The following TIAM1 variants were observed in gnomAD, a reference collection of about 807,000 sequenced individuals.
TIAM1 encodes the protein rho guanine nucleotide exchange factor TIAM1.
A neutral mutation model predicts 163.5 loss-of-function variants in TIAM1; 65 were observed. The ratio of observed to expected loss-of-function variants is 0.40; its 90% CI spans 0.33 to 0.49. TIAM1 has a LOEUF of 0.49. Among genes scored for constraint, TIAM1 ranks in the 20% least tolerant of loss-of-function variants. The pLI, the probability that TIAM1 is intolerant of heterozygous loss-of-function variation, is 0.77. For synonymous variants in TIAM1, 833 were observed against 810.1 expected (o/e 1.03, Z -0.48); for missense variants, 1,789 against 2,044.7 (o/e 0.87, Z 2.41).
chr21:31,518,107 G>A (rs904800570), intron 1 of TIAM1, among the ~76,000 whole-genome samples: 2 of 152,234 alleles, frequency 1.3e-5, no homozygotes, highest in East Asian at 1.9e-4. Context: ...GAAATCCTAA[G>A]ATGGGTAGAG....
intron 22 of TIAM1, among the ~76,000 whole-genome samples, chr21:31,137,192 A>G (rs1382800404): frequency 6.6e-6 from 1 of 152,252 alleles, no homozygotes; most frequent in African/African-American, 2.4e-5. Context: ...GCGACCCGCC[A>G]CTGAACACAG....
chr21:31,127,084 C>A lies in TIAM1; in HGVS notation c.4114G>T (p.Val1372Phe). 1 of 1,614,086 alleles carries A rather than the reference C, an allele frequency of 6.2e-7. No homozygotes were observed. The highest frequency in any genetic ancestry group is 8.5e-7 in the Non-Finnish European group (1 of 1,179,932). Residue 1372 changes from valine to phenylalanine, a missense_variant, in exon 26 of 28, where the codon GTC becomes TTC. Val to Phe is a conservative substitution (Grantham distance 50). This residue lies in a region of TIAM1 where 415 missense variants were observed against 439.2 expected (regional missense o/e 0.94). Transcript: ENST00000541036. ...GCTCACCTGCAGCACAAGTGAAAGACCCTCTCCGGCCTCCCTTCAGACTCG... is the reference window on the plus strand; with the variant it reads ...GCTCACCTGCAGCACAAGTGAAAGAACCTCTCCGGCCTCCCTTCAGACTCG... ...KSESEGRPER[V>F]FHLCCSSPES... is the part of the protein sequence containing the mutation.
intron 2 of TIAM1, among the ~76,000 whole-genome samples, chr21:31,387,200 T>C (rs1298495080): frequency 2.0e-4 from 20 of 102,450 alleles, no homozygotes; most frequent in African/African-American, 7.0e-4. Context: ...ATTCTCTTTT[T>C]TTTTTTTTTT....
At chr21:31,369,232 AAAGAAAG>A (rs990862444) in intron 2 of TIAM1, among the ~76,000 whole-genome samples, 1 of 149,988 alleles carries the variant, frequency 6.7e-6, no homozygotes, top group Non-Finnish European at 1.5e-5. Context: ...TCTCAAAAAA[AAAGAAAG>A]AAAGAAAGAA....
chr21:31,430,221 AAAAAATATATAT>A (rs1371272475), intron 2 of TIAM1, among the ~76,000 whole-genome samples: 4 of 104,832 alleles, frequency 3.8e-5, no homozygotes, highest in African/African-American at 1.7e-4. Flanking sequence ...AAAAAAAAAA[AAAAAATATATAT>A]ATATATATAT....
At chr21:31,225,635 T>C (rs2087908975) in intron 7 of TIAM1, 91 bp downstream of exon 7, 5 of 1,015,084 alleles carry the variant, frequency 4.9e-6, no homozygotes. Context: ...TATCCGATGA[T>C]GTTTCACGAT....
chr21:31,343,802 C>T (rs2076088870), intron 1 of TIAM1, among the ~76,000 whole-genome samples: 1 of 152,168 alleles, frequency 6.6e-6, no homozygotes, highest in Admixed American at 6.5e-5. Context: ...CTCCCCGACC[C>T]CATATCCCAT....
intron 1 of TIAM1, among the ~76,000 whole-genome samples, chr21:31,487,701 G>A (rs1372158441): frequency 1.3e-5 from 2 of 151,768 alleles, no homozygotes; most frequent in Non-Finnish European, 1.5e-5. Context: ...GGGACTACAG[G>A]CGCCCGCCAC....
chr21:31,451,384 C>T (rs1007595323), intron 2 of TIAM1, among the ~76,000 whole-genome samples: 4 of 152,220 alleles, frequency 2.6e-5, no homozygotes, highest in South Asian at 2.1e-4. Flanking sequence ...TAATTCACCC[C>T]GCATTACTTT....
chr21:31,247,744 C>A (rs1235524818), intron 5 of TIAM1, among the ~76,000 whole-genome samples: 2 of 152,164 alleles, frequency 1.3e-5, no homozygotes, highest in African/African-American at 4.8e-5. Flanking sequence ...AATTTAAATA[C>A]ATACCTGTAG....
At chr21:31,510,970 A>C (rs547535072) in intron 1 of TIAM1, among the ~76,000 whole-genome samples, 1 of 152,354 alleles carries the variant, frequency 6.6e-6, no homozygotes, top group Admixed American at 6.5e-5. Context: ...ACACACAGTG[A>C]AGGTAACCAT....
rs1555902276 is a variant in TIAM1, at chr21:31,242,873, A to AAG, written c.1584+2614_1584+2615insCT. On this transcript the variant is annotated intron_variant, in intron 6 of 27. Coordinates refer to ENST00000541036, the MANE Select transcript of TIAM1 (RefSeq NM_001353694.2). ...AAGACTCTGTCTCAAAAAAAAAAAAAAAAAAAGAAAAAAGAAAAGAAAAGA... is the reference window on the plus strand; with the variant it reads ...AAGACTCTGTCTCAAAAAAAAAAAAAAGAAAAAAGAAAAAAGAAAAGAAAAGA... Among the ~76,000 whole-genome samples the AAG allele has an allele frequency of 1.0e-3, 154 of 148,136 alleles. 1 individual carries two copies. Among genetic ancestry groups the AAG allele is most frequent in the African/African-American group, 3.6e-3 (143 of 39,238 alleles).
chr21:31,402,190 C>A (rs549098544), intron 2 of TIAM1, among the ~76,000 whole-genome samples: 12 of 151,842 alleles, frequency 7.9e-5, no homozygotes, highest in African/African-American at 2.9e-4. Flanking sequence ...TGCAGCCTGG[C>A]GACAGAGTGA....
At chr21:31,397,672 A>C (rs1169219423) in intron 2 of TIAM1, among the ~76,000 whole-genome samples, 1 of 152,146 alleles carries the variant, frequency 6.6e-6, no homozygotes, top group African/African-American at 2.4e-5. Flanking sequence ...ACACGTTATG[A>C]TCCAAATCTG....
chr21:31,480,329 T>G (rs941426747), intron 1 of TIAM1, among the ~76,000 whole-genome samples: 1 of 152,224 alleles, frequency 6.6e-6, no homozygotes, highest in African/African-American at 2.4e-5. Flanking sequence ...TTTATTTCTT[T>G]GCTACTCAAT....
chr21:31,225,208 C>G (rs895375347), intron 7 of TIAM1, among the ~76,000 whole-genome samples: 1 of 152,022 alleles, frequency 6.6e-6, no homozygotes, highest in African/African-American at 2.4e-5. Context: ...CCATGTTGAC[C>G]AGGCTGGTCT....
intron 2 of TIAM1, among the ~76,000 whole-genome samples, chr21:31,423,700 TAAAAAAAAAAAAAAA>T (rs200137644): frequency 0.11 from 5,240 of 48,938 alleles, 277 homozygotes; most frequent in East Asian, 0.34. Flanking sequence ...TAGAAAGTTG[TAAAAAAAAAAAAAAA>T]AAAAAAAAAA....
intron 2 of TIAM1, among the ~76,000 whole-genome samples, chr21:31,410,205 A>AGT (rs1555971303): frequency 4.0e-5 from 6 of 151,332 alleles, no homozygotes; most frequent in African/African-American, 1.5e-4. Flanking sequence ...AGTGATTGTG[A>AGT]GTGTGTGTGA....
chr21:31,405,533 A>C (rs2147227271), intron 2 of TIAM1, among the ~76,000 whole-genome samples: 1 of 152,304 alleles, frequency 6.6e-6, no homozygotes, highest in Middle Eastern at 3.4e-3. Flanking sequence ...GTACAAAAGA[A>C]AGGTTTATTG....
Sources: gnomAD v4.1 joint callset for allele counts (sites outside exome capture counted in the v4.1 genomes callset) on GRCh38, gnomAD v4.1.1 for gene constraint, gnomAD v4.1.1 regional missense constraint, MANE v1.5 for transcripts, NCBI Gene and HGNC (gene_info 2026-07-23, HGNC 2026-07-21) for gene names.